L3MBTL4: variants seen among roughly 807,000 people sequenced by gnomAD.
L3MBTL4 encodes the protein lethal(3)malignant brain tumor-like protein 4.
Under a neutral mutation model 84.5 loss-of-function variants are expected in L3MBTL4, and 70 were observed. That is an observed-to-expected ratio of 0.83 (90% CI 0.68 to 1.01). L3MBTL4 has a LOEUF of 1.01. Ranked by LOEUF, L3MBTL4 falls within the 50% of genes least tolerant of loss-of-function variation. The probability of loss-of-function intolerance (pLI) is 0.00; values close to 1 mark genes in which losing one functional copy is unlikely to be tolerated. For missense variants in L3MBTL4, 715 were observed against 754.8 expected (o/e 0.95, Z 0.62); for synonymous variants, 274 against 259.8 (o/e 1.05, Z -0.52).
chr18:6,265,755 A>T (rs1337761970), intron 4 of L3MBTL4, among the ~76,000 whole-genome samples: 2 of 148,236 alleles, frequency 1.3e-5, no homozygotes, highest in Admixed American at 6.6e-5. Context: ...GACATGCAAT[A>T]AAAAAAAGTC....
intron 4 of L3MBTL4, 94 bp from the exon 5 acceptor site, chr18:6,264,132 T>G: frequency 1.1e-6 from 1 of 894,836 alleles, no homozygotes; most frequent in South Asian, 1.4e-5. Context: ...GCAGGCTAAT[T>G]AGTTAAATTG....
At chr18:6,322,517 AAAAC>A (rs895677311) in intron 1 of L3MBTL4, among the ~76,000 whole-genome samples, 8 of 145,154 alleles carry the variant, frequency 5.5e-5, no homozygotes, top group East Asian at 2.0e-4. Flanking sequence ...AAGGAAAAAA[AAAAC>A]AAACAAACAG....
At chr18:6,353,374 T>A (rs1249348819) in intron 1 of L3MBTL4, among the ~76,000 whole-genome samples, 3 of 152,222 alleles carry the variant, frequency 2.0e-5, no homozygotes, top group African/African-American at 7.2e-5. Flanking sequence ...AATTTTGAAT[T>A]TATGCATGAT....
chr18:6,243,200 AG>A, intron 7 of L3MBTL4, 93 bp downstream of exon 7: 2 of 1,157,544 alleles, frequency 1.7e-6, no homozygotes, highest in South Asian at 4.5e-5. Context: ...AATCCACACC[AG>A]GATCTCTTCT....
chr18:6,146,522 G>T (rs933487327), intron 13 of L3MBTL4, among the ~76,000 whole-genome samples: 6 of 152,344 alleles, frequency 3.9e-5, no homozygotes, highest in African/African-American at 1.2e-4. Flanking sequence ...GCTGGGTTTC[G>T]CAAAGTGCCA....
chr18:5,976,665 C>G (rs1452251769), intron 16 of L3MBTL4, among the ~76,000 whole-genome samples: 1 of 152,172 alleles, frequency 6.6e-6, no homozygotes, highest in African/African-American at 2.4e-5. Context: ...GGTTCATTTG[C>G]CCTGAGACTC....
At chr18:5,972,892 GAGAATAGAATAGAATAGAATAGAAT>G (rs5822882) in intron 16 of L3MBTL4, among the ~76,000 whole-genome samples, 4,518 of 131,954 alleles carry the variant, frequency 0.034, 222 homozygotes, top group African/African-American at 0.085. Flanking sequence ...TAGAACAGAA[GAGAATAGAATAGAATAGAATAGAAT>G]AGAATAGAAT....
intron 10 of L3MBTL4, among the ~76,000 whole-genome samples, chr18:6,225,033 A>T (rs1469420846): frequency 2.0e-5 from 3 of 152,194 alleles, no homozygotes; most frequent in Non-Finnish European, 4.4e-5. Context: ...GAGGATCCAT[A>T]AGATAAGAGT....
intron 14 of L3MBTL4, among the ~76,000 whole-genome samples, chr18:6,120,087 G>T (rs572136127): frequency 1.3e-5 from 2 of 152,316 alleles, no homozygotes; most frequent in Admixed American, 6.5e-5. Flanking sequence ...ACACCACTGA[G>T]GGCCTGAAAC....
chr18:5,995,537 A>G (rs2053919795), intron 16 of L3MBTL4, among the ~76,000 whole-genome samples: 1 of 152,240 alleles, frequency 6.6e-6, no homozygotes, highest in Non-Finnish European at 1.5e-5. Flanking sequence ...CAAGTAAGCT[A>G]GATGTGTACC....
chr18:6,039,637 A>G (rs778107637), intron 16 of L3MBTL4, among the ~76,000 whole-genome samples: 12 of 152,126 alleles, frequency 7.9e-5, no homozygotes, highest in Non-Finnish European at 1.6e-4. Context: ...ATACACGCAT[A>G]CCCTCTTCCA....
At chr18:6,187,100 A>T (rs2044811203) in intron 12 of L3MBTL4, among the ~76,000 whole-genome samples, 1 of 152,212 alleles carries the variant, frequency 6.6e-6, no homozygotes, top group Non-Finnish European at 1.5e-5. Context: ...GATATGGGTA[A>T]AAACAGAGGT....
intron 16 of L3MBTL4, among the ~76,000 whole-genome samples, chr18:5,975,769 A>C (rs1303997293): frequency 6.6e-6 from 1 of 152,200 alleles, no homozygotes; most frequent in Non-Finnish European, 1.5e-5. Flanking sequence ...TGGGAACAGG[A>C]GCTCCTCAGG....
At chr18:6,087,497 G>A (rs1385256703) in intron 15 of L3MBTL4, among the ~76,000 whole-genome samples, 2 of 152,158 alleles carry the variant, frequency 1.3e-5, no homozygotes, top group African/African-American at 4.8e-5. Flanking sequence ...CAGAGTCTGA[G>A]TGGAGGTGGG....
chr18:6,395,623 A>G (rs76343587), intron 1 of L3MBTL4: 1 of 152,216 alleles, frequency 6.6e-6, no homozygotes, highest in African/African-American at 2.4e-5. Flanking sequence ...CTCAGATAAT[A>G]TGATTAGTAG....
In L3MBTL4 at chr18:6,163,262, GGGGGGGGT is replaced by G. The variant is rs1485468242; in HGVS notation, c.1096+8558_1096+8565del. On this transcript the variant is annotated intron_variant, in intron 13 of 18. Transcript: ENST00000317931. ...TTTGTCTACGGGTGTGTGTGTGTGGGGGGGGGGTGGGTGTGTGTGTGTGTGTGTGTGTG... is the reference window on the plus strand; with the variant it reads ...TTTGTCTACGGGTGTGTGTGTGTGGGGGGTGTGTGTGTGTGTGTGTGTGTG... 3.3e-3 allele frequency among the ~76,000 whole-genome samples: 348 copies of G among 105,338 alleles called. 10 individuals are homozygous for G. Among genetic ancestry groups the G allele is most frequent in the East Asian group, 0.015 (55 of 3,730 alleles). The allele number at this position is 105,338 out of a possible 152,430, so 69.1% of individuals were successfully genotyped here. A position where few individuals can be genotyped will look rare whatever the true frequency, so the allele number is the denominator to read the frequency against.
intron 13 of L3MBTL4, among the ~76,000 whole-genome samples, chr18:6,153,753 C>A (rs892241845): frequency 1.3e-5 from 2 of 152,102 alleles, no homozygotes; most frequent in Non-Finnish European, 2.9e-5. Context: ...CTCATGAGAT[C>A]TGGTGGTTTT....
chr18:6,186,261 C>T (rs1486095453), intron 12 of L3MBTL4, among the ~76,000 whole-genome samples: 1 of 152,000 alleles, frequency 6.6e-6, no homozygotes, highest in Non-Finnish European at 1.5e-5. Flanking sequence ...AGGCTGGTCT[C>T]GAACTCCTGA....
intron 14 of L3MBTL4, among the ~76,000 whole-genome samples, chr18:6,111,809 A>G (rs900461864): frequency 2.0e-5 from 3 of 152,182 alleles, no homozygotes; most frequent in African/African-American, 7.2e-5. Context: ...TAGCTAATTA[A>G]CATATGTATT....
Sources: gnomAD v4.1 joint callset for allele counts (sites outside exome capture counted in the v4.1 genomes callset) on GRCh38, gnomAD v4.1.1 for gene constraint, MANE v1.5 for transcripts, NCBI Gene and HGNC (gene_info 2026-07-23, HGNC 2026-07-21) for gene names.